The following SLC10A3 variants were observed in gnomAD, a reference collection of about 807,000 sequenced individuals.
SLC10A3 encodes P3 protein.
SLC10A3 carries 1 observed loss-of-function variant against 1.9 expected under a neutral mutation model. The ratio of observed to expected loss-of-function variants is 0.52; its 90% CI spans 0.19 to 2.48. The LOEUF is 2.48. SLC10A3 is among the 30% of genes most tolerant of loss of function. The probability of loss-of-function intolerance (pLI) is 0.25; values close to 1 mark genes in which losing one functional copy is unlikely to be tolerated. For missense variants in SLC10A3, 317 were observed against 398.5 expected, an observed-to-expected ratio of 0.80 and a Z score of 1.74; for synonymous variants, 202 against 189.3, an observed-to-expected ratio of 1.07 and a Z score of -0.55.
intron 1 of SLC10A3, 116 bp from the exon 2 acceptor site, chrX:154,489,198 G>C: frequency 2.7e-6 from 3 of 1,131,081 alleles, no homozygotes; most frequent in Non-Finnish European, 3.5e-6. Context: ...CCAGGAGCAT[G>C]GGGATCTGGA....
chrX:154,490,511 T>A lies in SLC10A3; in HGVS notation c.-347A>T. 7.2e-6 allele frequency: 2 copies of A among 276,106 alleles called. No homozygotes were observed. The highest frequency in any genetic ancestry group is 9.9e-6 in the Non-Finnish European group (2 of 202,542). 22.8% of individuals were successfully genotyped at this position (276,106 alleles called of 1,213,427 possible). On this transcript the variant is annotated 5_prime_UTR_variant, in exon 1 of 2. Transcript: ENST00000651600. ...CGCGGCGGCGGCGGCGGCCCTTCCC[T>A]GCCAGGCCCGGCCGGGCGCCCGAGT...
rs1557213967 is a variant in SLC10A3, at chrX:154,488,768, A to C, written c.173T>G (p.Val58Gly). Residue 58 changes from valine to glycine, a missense_variant, in exon 2 of 2, where the codon GTG becomes GGG. By Grantham distance (109) the Val-to-Gly change is moderately radical. Transcript: ENST00000651600. ...CAAGTAGCGGCCCCCAGTCGGTGGC[A>C]CGGTGTGACCCCCAGCAGTGCTGAG... ...TSLSTAGGHT[V>G]PPTGGRYLSI... is the part of the protein sequence containing the mutation. The C allele has an allele frequency of 8.3e-7, 1 of 1,209,986 alleles. No homozygotes were observed. The highest frequency in any genetic ancestry group is 1.1e-6 in the Non-Finnish European group (1 of 894,947).
intron 1 of SLC10A3, 150 bp downstream of exon 1, chrX:154,490,157 G>A: frequency 1.1e-6 from 1 of 930,017 alleles, no homozygotes; most frequent in Non-Finnish European, 1.3e-6. Context: ...ACTCCAAGAG[G>A]GGTTTGGCCC....
In SLC10A3 at chrX:154,487,726, C is replaced by A. The variant is rs782288346; in HGVS notation, c.1215G>T (p.Thr405=). 9.1e-6 allele frequency: 11 copies of A among 1,210,962 alleles called. No individual in the cohort carries two copies. Among genetic ancestry groups the A allele is most frequent in the Non-Finnish European group, 1.2e-5 (11 of 895,381 alleles). ...VGLLVGYCLA[T]CLKLPVAQRR... is the part of the protein sequence containing the mutation. ...GCTGGGCCACTGGCAGCTTCAGACA[C>A]GTGGCTAGGCAGTAGCCCACCAACA... Residue 405 remains threonine (T), a synonymous_variant, in exon 2 of 2, where the codon ACG becomes ACT. Coordinates refer to ENST00000651600, the MANE Select transcript of SLC10A3 (RefSeq NM_019848.5).
Position 154,487,728 on chromosome X carries a change from T to C in SLC10A3, c.1213A>G (p.Thr405Ala). The C allele has an allele frequency of 8.3e-7, 1 of 1,210,977 alleles. No homozygotes were observed. Residue 405 changes from threonine (T) to alanine (A), a missense_variant, in exon 2 of 2, where the codon ACG becomes GCG. Coordinates refer to ENST00000651600, the MANE Select transcript of SLC10A3 (RefSeq NM_019848.5). ...TGGGCCACTGGCAGCTTCAGACACGTGGCTAGGCAGTAGCCCACCAACAGG... is the reference window on the plus strand; with the variant it reads ...TGGGCCACTGGCAGCTTCAGACACGCGGCTAGGCAGTAGCCCACCAACAGG... ...VGLLVGYCLA[T>A]CLKLPVAQRR...
intron 1 of SLC10A3, chrX:154,489,908 T>C (rs1391161039): frequency 1.9e-6 from 2 of 1,039,762 alleles, no homozygotes; most frequent in Non-Finnish European, 2.5e-6. Context: ...TAGGATGACA[T>C]GGCCTCTGCT....
At chrX:154,489,789 T>A in intron 1 of SLC10A3, 11 of 753,539 alleles carry the variant, frequency 1.5e-5, no homozygotes, top group Non-Finnish European at 1.7e-5. Flanking sequence ...ATCCTATCCG[T>A]CTTTGGCATT....
chrX:154,489,569 C>T (rs2069357906), intron 1 of SLC10A3: 2 of 754,604 alleles, frequency 2.7e-6, no homozygotes, highest in African/African-American at 2.3e-5. Flanking sequence ...TGCGCCCCTA[C>T]CAGAGCCTCA....
Position 154,488,710 on chromosome X carries a change from C to T in SLC10A3, c.231G>A (p.Glu77=), listed in dbSNP as rs782470569. ...TGATGCCCTCACTGTCCTCAGGAAA[C>T]TCAAACTCCATCACAGAGCCATCTC... ...SIGDGSVMEF[E]FPEDSEGIIV... Residue 77 remains glutamate (E), a synonymous_variant, in exon 2 of 2, where the codon GAG becomes GAA. Transcript: ENST00000651600. The T allele has an allele frequency of 8.3e-7, 1 of 1,211,985 alleles. No homozygotes were observed. Among genetic ancestry groups the T allele is most frequent in the East Asian group, 3.0e-5 (1 of 33,867 alleles).
At chrX:154,490,204 G>A (rs2069365762) in intron 1 of SLC10A3, 103 bp downstream of exon 1, 3 of 907,850 alleles carry the variant, frequency 3.3e-6, no homozygotes, top group Non-Finnish European at 4.1e-6. Flanking sequence ...GGCCGACAGA[G>A]TTTGAGCAGA....
intron 1 of SLC10A3, chrX:154,489,825 T>C (rs1356918643): frequency 2.1e-6 from 2 of 958,349 alleles, no homozygotes; most frequent in Non-Finnish European, 2.6e-6. Context: ...GAGACTGGGG[T>C]GAGGCAGAAG....
chrX:154,488,202 C>G lies in SLC10A3; in HGVS notation c.739G>C (p.Val247Leu), dbSNP rs782208056. The change falls in exon 2 of 2, where the codon GTC becomes CTC. Residue 247 changes from valine (V) to leucine (L), a missense_variant. Coordinates refer to ENST00000651600, the MANE Select transcript of SLC10A3 (RefSeq NM_019848.5). ...MPLYAFLMAKVFMLPKALALG... is the reference protein window; with the variant it reads ...MPLYAFLMAKLFMLPKALALG... ...GCCAGGGCCTTGGGCAGCATGAAGA[C>G]CTTGGCCATGAGGAAAGCGTACAAG... 5 of 1,211,601 alleles carry G rather than the reference C, an allele frequency of 4.1e-6. No individual in the cohort carries two copies. The South Asian group carries it at 8.8e-5, about 21-fold the overall frequency.
chrX:154,489,917 C>T, intron 1 of SLC10A3: 4 of 1,053,760 alleles, frequency 3.8e-6, no homozygotes, highest in Non-Finnish European at 5.0e-6. Flanking sequence ...ATGGCCTCTG[C>T]TGGCTTGAAG....
chrX:154,489,224 G>A, intron 1 of SLC10A3, 142 bp from the exon 2 acceptor site: 12 of 1,113,656 alleles, frequency 1.1e-5, no homozygotes, highest in Non-Finnish European at 1.2e-5. Flanking sequence ...ACTGCTAAGA[G>A]TAAAACTCAG....
chrX:154,489,108 G>A (rs782651962), intron 1 of SLC10A3, 26 bp from the exon 2 acceptor site: 1 of 1,160,712 alleles, frequency 8.6e-7, no homozygotes, highest in African/African-American at 1.8e-5. Context: ...ACACAGAGAG[G>A]CAGCTGGTGA....
chrX:154,489,886 C>G, intron 1 of SLC10A3: 2 of 1,010,472 alleles, frequency 2.0e-6, no homozygotes, highest in Non-Finnish European at 1.3e-6. Flanking sequence ...CGAGCCTCCC[C>G]TATCCCTAGC....
Position 154,488,494 on chromosome X carries a change from G to C in SLC10A3, c.447C>G (p.Leu149=), listed in dbSNP as rs782319942. 2 of 1,208,519 alleles carry C rather than the reference G, an allele frequency of 1.7e-6. No individual in the cohort carries two copies. The highest frequency in any genetic ancestry group is 1.8e-5 in the African/African-American group (1 of 57,088). The part of the protein sequence containing the change: ...LAGLAPLHIQ[L]VDAHEAPPTL... The stretch of plus-strand genomic sequence containing the variant: ...TGGGCGGGGCCTCATGGGCGTCCAC[G>C]AGCTGGATGTGGAGTGGGGCCAGCC... Residue 149 remains leucine, a synonymous_variant, in exon 2 of 2, where the codon CTC becomes CTG. Coordinates refer to ENST00000651600, the MANE Select transcript of SLC10A3 (RefSeq NM_019848.5).
Position 154,488,982 on chromosome X carries a change from G to A in SLC10A3, c.-42C>T, listed in dbSNP as rs375840362. ...CGGATGGCGTGCCCAGGCCCTCTGC[G>A]GCTTAGGAGAACATCCCCACTGGTG... On this transcript the variant is annotated 5_prime_UTR_variant, in exon 2 of 2. Coordinates refer to ENST00000651600, the MANE Select transcript of SLC10A3 (RefSeq NM_019848.5). The A allele has an allele frequency of 2.2e-5, 26 of 1,173,366 alleles. No homozygotes were observed. The highest frequency in any genetic ancestry group is 2.1e-4 in the South Asian group (11 of 53,232).
At position 154,488,880 on chromosome X, in the gene SLC10A3, C is replaced by T. The variant is rs782794997; in HGVS notation, c.61G>A (p.Gly21Ser). ...AGCATGCTTAAGGGACCTGTGCCAC[C>T]ACCCTCGCCCCCCAGACCAGGCCAC... ...QQWPGLGGEG[G>S]GTGPLSMLRA... Residue 21 changes from glycine to serine, a missense_variant, in exon 2 of 2, where the codon GGT (glycine) becomes AGT (serine). By Grantham distance (56) the Gly-to-Ser change is moderately conservative. Coordinates refer to ENST00000651600, the MANE Select transcript of SLC10A3 (RefSeq NM_019848.5). The T allele has an allele frequency of 5.0e-6, 6 of 1,208,965 alleles. No individual in the cohort carries two copies. In the East Asian group the frequency reaches 1.8e-4, roughly 36 times the overall value.
Sources: gnomAD v4.1 joint callset for allele counts on GRCh38, gnomAD v4.1.1 for gene constraint, MANE v1.5 for transcripts, NCBI Gene and HGNC (gene_info 2026-07-23, HGNC 2026-07-21) for gene names.